AARS1: variants seen among roughly 807,000 people sequenced by gnomAD.
The protein encoded by AARS1 is alanyl-tRNA synthetase 1, also known as alanine--tRNA ligase, cytoplasmic.
A neutral mutation model predicts 108.9 loss-of-function variants in AARS1; 72 were observed. That is an observed-to-expected ratio of 0.66 (90% CI 0.55 to 0.80). The LOEUF (loss-of-function observed/expected upper bound fraction) is 0.80. Among genes scored for constraint, AARS1 ranks in the 30% least tolerant of loss-of-function variants. AARS1 has a pLI of 0.00. For missense variants in AARS1, 1,193 were observed against 1,233.2 expected (o/e 0.97, Z 0.49); for synonymous variants, 489 against 465.7 (o/e 1.05, Z -0.64).
intron 2 of AARS1, among the ~76,000 whole-genome samples, chr16:70,278,804 G>GA (rs199533780): frequency 4.8e-5 from 7 of 146,412 alleles, no homozygotes; most frequent in East Asian, 2.0e-4. Context: ...CAAATTGGGG[G>GA]AAAAAAAAAA....
intron 1 of AARS1, among the ~76,000 whole-genome samples, chr16:70,288,565 C>T (rs1014608813): frequency 3.9e-5 from 4 of 102,954 alleles, no homozygotes; most frequent in African/African-American, 6.6e-5. Flanking sequence ...GTTCTGGGCT[C>T]TTTTTTTTTT....
intron 2 of AARS1, among the ~76,000 whole-genome samples, chr16:70,279,497 T>TAA (rs1960639709): frequency 6.7e-6 from 1 of 150,172 alleles, no homozygotes; most frequent in South Asian, 2.1e-4. Context: ...CTGTCTCTAC[T>TAA]AAAAATATAA....
intron 1 of AARS1, among the ~76,000 whole-genome samples, chr16:70,286,129 T>G (rs1366885410): frequency 2.6e-5 from 4 of 152,194 alleles, no homozygotes; most frequent in Non-Finnish European, 4.4e-5. Flanking sequence ...TATTAAAAGC[T>G]GTATCCCCAC....
intron 11 of AARS1, among the ~76,000 whole-genome samples, chr16:70,263,646 T>G (rs1960198306): frequency 6.6e-6 from 1 of 152,074 alleles, no homozygotes; most frequent in Non-Finnish European, 1.5e-5. Flanking sequence ...ATTTTTATGT[T>G]TTTTTTGAGA....
rs1054385792 is a variant in AARS1, at chr16:70,268,283, G to A, written c.1059C>T (p.Val353=). 15 of 1,613,984 alleles carry A rather than the reference G, an allele frequency of 9.3e-6. No homozygotes were observed. Among genetic ancestry groups the A allele is most frequent in the African/African-American group, 2.7e-5 (2 of 74,942 alleles). Reference sequence around the variant, plus strand: ...GAAATAAACCTACCAGGGACTGGACGACAACATCCACTAACGTAGCAAAGA... The same window carrying A: ...GAAATAAACCTACCAGGGACTGGACAACAACATCCACTAACGTAGCAAAGA... ...RGFFATLVDV[V]VQSLGDAFPE... Residue 353 remains valine (V), a synonymous_variant, in exon 8 of 21, where the codon GTC becomes GTT. Transcript: ENST00000261772.
In AARS1 at chr16:70,255,845, C is replaced by G. The variant is rs1044805095; in HGVS notation, c.2178-9G>C. 5 of 1,610,608 alleles carry G rather than the reference C, an allele frequency of 3.1e-6. No individual in the cohort carries two copies. Among genetic ancestry groups the G allele is most frequent in the Non-Finnish European group, 4.2e-6 (5 of 1,178,394 alleles). ...TCGAGTTCCGCAGGTGCCTGAATGG[C>G]AGAACACAAAGTCCATAGTGAAAGA... On this transcript the variant is annotated splice_polypyrimidine_tract_variant and intron_variant, in intron 15 of 20. Transcript: ENST00000261772.
At position 70,267,827 on chromosome 16, in the gene AARS1, A is replaced by G. The variant is rs1294272800; in HGVS notation, c.1072-18T>C. The G allele has an allele frequency of 6.2e-7, 1 of 1,614,110 alleles. No homozygotes were observed. The highest frequency in any genetic ancestry group is 8.5e-7 in the Non-Finnish European group (1 of 1,180,014). On this transcript the variant is annotated intron_variant, in intron 8 of 20. Coordinates refer to ENST00000261772, the MANE Select transcript of AARS1 (RefSeq NM_001605.3). ...GCATCTCCCTGACAAAGGGGAAGCA[A>G]GATGAGGGGCTGGATGAAGCCAGAG... is the stretch of plus-strand genomic sequence containing the variant.
chr16:70,254,928 C>T (rs1959943815), intron 16 of AARS1, among the ~76,000 whole-genome samples, 194 bp from the exon 17 acceptor site: 1 of 152,216 alleles, frequency 6.6e-6, no homozygotes, highest in South Asian at 2.1e-4. Flanking sequence ...GGCCCATTGG[C>T]AAAGGCTGCA....
chr16:70,277,206 G>A (rs1340437755), intron 2 of AARS1, 52 bp from the exon 3 acceptor site: 11 of 1,562,220 alleles, frequency 7.0e-6, no homozygotes, highest in Non-Finnish European at 8.8e-6. Flanking sequence ...GTGATGTCAG[G>A]TGGCCACACA....
chr16:70,282,813 A>C, intron 1 of AARS1, 29 bp from the exon 2 acceptor site: 23 of 1,580,736 alleles, frequency 1.5e-5, no homozygotes, highest in Non-Finnish European at 1.8e-5. Context: ...ATGAAGGAAA[A>C]TTAAGGGAAT....
chr16:70,279,350 CAAAAAAAAAA>C (rs57438636), intron 2 of AARS1, among the ~76,000 whole-genome samples: 1 of 37,798 alleles, frequency 2.6e-5, no homozygotes, highest in African/African-American at 1.2e-4. Flanking sequence ...AACTTCATCT[CAAAAAAAAAA>C]AAAAAAAAAA....
chr16:70,260,523 C>A (rs1282315121), intron 13 of AARS1, among the ~76,000 whole-genome samples: 1 of 152,172 alleles, frequency 6.6e-6, no homozygotes, highest in African/African-American at 2.4e-5. Flanking sequence ...AACAAGTCCA[C>A]GGGATCTTAA....
chr16:70,273,318 G>T (rs562123206), intron 4 of AARS1, among the ~76,000 whole-genome samples: 2 of 152,268 alleles, frequency 1.3e-5, no homozygotes, highest in African/African-American at 4.8e-5. Flanking sequence ...GATTCTCCTT[G>T]ATGCAGCACT....
intron 15 of AARS1, among the ~76,000 whole-genome samples, chr16:70,256,743 C>T (rs576101097): frequency 7.9e-4 from 120 of 152,284 alleles, no homozygotes; most frequent in Middle Eastern, 6.8e-3. Context: ...CCCTATCCTA[C>T]TCTCTGCACA....
At chr16:70,269,428 G>C (rs767042729) in intron 7 of AARS1, among the ~76,000 whole-genome samples, 190 bp downstream of exon 7, 2 of 149,478 alleles carry the variant, frequency 1.3e-5, no homozygotes, top group Admixed American at 1.4e-4. Context: ...TCCCAGCTAC[G>C]TGGGAGGCTG....
At position 70,253,347 on chromosome 16, in the gene AARS1, T is replaced by C. The variant is rs1597432409; in HGVS notation, c.2642A>G (p.His881Arg). ...GAGCATGGCAGAAGTCTGAGGGGAG[T>C]GCATCTTGAAGAGCTTCAAGGCTTC... ...LNEALKLFKM[H>R]SPQTSAMLFT... is the part of the protein sequence containing the mutation. The change falls in exon 20 of 21, where the codon CAC becomes CGC. Residue 881 changes from histidine (H) to arginine (R), a missense_variant. Physicochemically the swap from His to Arg is conservative, Grantham distance 29 (BLOSUM62 0). Coordinates refer to ENST00000261772, the MANE Select transcript of AARS1 (RefSeq NM_001605.3). 1 of 1,613,516 alleles carries C rather than the reference T, an allele frequency of 6.2e-7. No homozygotes were observed.
rs868089483 is a variant in AARS1 at position 70,252,742 on chromosome 16, G to A, written c.2886C>T (p.Arg962=). The A allele has an allele frequency of 1.9e-6, 3 of 1,614,154 alleles. No individual in the cohort carries two copies. In the Middle Eastern group the frequency reaches 4.9e-4, roughly 266 times the overall value. The change falls in exon 21 of 21, where the codon CGC becomes CGT. Residue 962 remains arginine, a synonymous_variant. Coordinates refer to ENST00000261772, the MANE Select transcript of AARS1 (RefSeq NM_001605.3). ...LQLATSFAQL[R]LGDVKN Reference sequence around the variant, plus strand: ...CCACTCAGTTCTTTACATCCCCGAGGCGCAGCTGGGCGAAGGAAGTGGCCA... The same window carrying A: ...CCACTCAGTTCTTTACATCCCCGAGACGCAGCTGGGCGAAGGAAGTGGCCA...
intron 7 of AARS1, among the ~76,000 whole-genome samples, chr16:70,269,098 CG>C (rs1306625594): frequency 1.1e-4 from 16 of 151,180 alleles, no homozygotes; most frequent in Non-Finnish European, 1.5e-5. Context: ...CCGAGGCGGG[CG>C]GATCACCTGA....
chr16:70,260,999 T>G, intron 13 of AARS1, 45 bp downstream of exon 13: 1 of 1,442,898 alleles, frequency 6.9e-7, no homozygotes, highest in Non-Finnish European at 9.7e-7. Context: ...GAGGAGAAGA[T>G]AATTACTAAC....
Sources: allele counts gnomAD v4.1 joint callset (sites outside exome capture counted in the v4.1 genomes callset), GRCh38; gene constraint gnomAD v4.1.1; transcripts MANE v1.5; gene names NCBI Gene and HGNC (gene_info 2026-07-23, HGNC 2026-07-21).